The following RERE variants were observed in gnomAD, a reference collection of about 807,000 sequenced individuals.
RERE encodes arginine-glutamic acid dipeptide repeats.
Under a neutral mutation model 146.1 loss-of-function variants are expected in RERE, and 40 were observed. That is an observed-to-expected ratio of 0.27 (90% CI 0.21 to 0.36). The LOEUF is 0.36. Ranked by LOEUF, RERE falls within the 10% of genes least tolerant of loss-of-function variation. The pLI, the probability that RERE is intolerant of heterozygous loss-of-function variation, is 1.00. For missense variants in RERE, 1,933 were observed against 2,138.7 expected (o/e 0.90, Z 1.90); for synonymous variants, 1,003 against 866.0 (o/e 1.16, Z -2.78).
At chr1:8,671,464 C>T (rs1032163436) in intron 1 of RERE, among the ~76,000 whole-genome samples, 12 of 152,158 alleles carry the variant, frequency 7.9e-5, no homozygotes, top group Non-Finnish European at 2.9e-5. Flanking sequence ...CTGATTTCCA[C>T]GCTAGAAGAC....
chr1:8,426,271 A>G lies in RERE; in HGVS notation c.1204-3464T>C, dbSNP rs551094565. 2.3e-4 allele frequency among the ~76,000 whole-genome samples: 35 copies of G among 152,054 alleles called. 1 individual carries two copies. In the South Asian group the frequency reaches 4.0e-3, roughly 17 times the overall value. ...AGATCGAGACCATCCTGGCTAACAC[A>G]GTGAAACCCCGTCTCTACTAAAAAT... is the stretch of plus-strand genomic sequence containing the variant. On this transcript the variant is annotated intron_variant, in intron 11 of 22. Transcript: ENST00000400908.
chr1:8,450,518 T>C (rs887074680), intron 11 of RERE, among the ~76,000 whole-genome samples: 1 of 152,078 alleles, frequency 6.6e-6, no homozygotes, highest in Non-Finnish European at 1.5e-5. Context: ...AAGCTCACCT[T>C]AGCAAATCCC....
At chr1:8,437,094 TA>T (rs565988181) in intron 11 of RERE, among the ~76,000 whole-genome samples, 96 of 152,332 alleles carry the variant, frequency 6.3e-4, no homozygotes, top group Non-Finnish European at 1.2e-3. Context: ...TCAAATTACA[TA>T]AAACTTGTCT....
intron 1 of RERE, among the ~76,000 whole-genome samples, chr1:8,657,334 G>GA (rs1461803947): frequency 6.9e-6 from 1 of 144,674 alleles, no homozygotes; most frequent in Non-Finnish European, 1.5e-5. Context: ...AAGAAGAAAA[G>GA]AAAAAAAAGT....
intron 4 of RERE, among the ~76,000 whole-genome samples, chr1:8,582,726 A>G (rs1646383201): frequency 6.6e-6 from 1 of 152,146 alleles, no homozygotes; most frequent in South Asian, 2.1e-4. Context: ...CATCTCAAAA[A>G]CAAACAAACA....
At chr1:8,600,855 C>G (rs1442479265) in intron 4 of RERE, among the ~76,000 whole-genome samples, 5 of 148,878 alleles carry the variant, frequency 3.4e-5, no homozygotes, top group Non-Finnish European at 5.9e-5. Context: ...CCAGGGTTCA[C>G]ACCATTCTCC....
At chr1:8,375,684 CCTCA>C (rs1642218006) in intron 12 of RERE, among the ~76,000 whole-genome samples, 1 of 132,294 alleles carries the variant, frequency 7.6e-6, no homozygotes, top group African/African-American at 2.9e-5. Flanking sequence ...GAAAATGTTT[CCTCA>C]CTCAGCAGCC....
At chr1:8,775,019 G>A (rs1244150408) in intron 1 of RERE, among the ~76,000 whole-genome samples, 1 of 138,944 alleles carries the variant, frequency 7.2e-6, no homozygotes, top group African/African-American at 2.7e-5. Context: ...GGAGTGCAGT[G>A]GTGCGATCTC....
At chr1:8,409,577 C>A (rs765732892) in intron 12 of RERE, among the ~76,000 whole-genome samples, 1 of 152,164 alleles carries the variant, frequency 6.6e-6, no homozygotes, top group African/African-American at 2.4e-5. Context: ...GTGAACAGCT[C>A]ATTTCCAGAA....
rs1261031125 is a variant in RERE at position 8,423,833 on chromosome 1, G to A, written c.1204-1026C>T. 1.1e-5 allele frequency: 4 copies of A among 365,182 alleles called. No homozygotes were observed. Among genetic ancestry groups the A allele is most frequent in the African/African-American group, 8.9e-5 (4 of 45,028 alleles). 22.6% of individuals were successfully genotyped at this position (365,182 alleles called of 1,614,324 possible). ...GCGGCCGCGGGCGGCTGCAAAAGGC[G>A]GCCTGGATTGCCGCCGCCCTCCTGT... On this transcript the variant is annotated intron_variant, in intron 11 of 22. Coordinates refer to ENST00000400908, the MANE Select transcript of RERE (RefSeq NM_001042681.2). This position sits in a 1 kb window ranked among gnomAD's most constrained non-coding sequence, Gnocchi z 5.4.
chr1:8,413,213 T>A (rs1372035116), intron 12 of RERE, among the ~76,000 whole-genome samples: 7 of 152,218 alleles, frequency 4.6e-5, no homozygotes, highest in African/African-American at 1.4e-4. Flanking sequence ...ATGAGGTCCC[T>A]GCCCAGAAGG....
rs779042687 is a variant in RERE at position 8,364,719 on chromosome 1, C to T, written c.1540+27G>A. On this transcript the variant is annotated intron_variant, in intron 14 of 22. Coordinates refer to ENST00000400908, the MANE Select transcript of RERE (RefSeq NM_001042681.2). This position sits in a 1 kb window ranked among gnomAD's most constrained non-coding sequence, Gnocchi z 5.1. ...TGGAAGTGCTTGTGCCCCCGCCCCG[C>T]CCCAGGAGCGTGACGAGGCCACTTA... 3 of 1,572,910 alleles carry T rather than the reference C, an allele frequency of 1.9e-6. No individual in the cohort carries two copies. Among genetic ancestry groups the T allele is most frequent in the Admixed American group, 1.7e-5 (1 of 59,928 alleles).
rs1045445290 is a variant in RERE at position 8,364,432 on chromosome 1, G to C, written c.1541-177C>G. Among the ~76,000 whole-genome samples the C allele has an allele frequency of 2.0e-5, 3 of 152,036 alleles. No individual in the cohort carries two copies. Among genetic ancestry groups the C allele is most frequent in the African/African-American group, 7.2e-5 (3 of 41,392 alleles). ...CCTGCTCCCCCAAGGCCAGGAGAGG[G>C]TTTCAGGGGCATCTGCTGCCCACTT... On this transcript the variant is annotated intron_variant, in intron 14 of 22. Transcript: ENST00000400908. This position sits in a 1 kb window ranked among gnomAD's most constrained non-coding sequence, Gnocchi z 5.1.
chr1:8,561,262 A>C (rs539528690), intron 4 of RERE, among the ~76,000 whole-genome samples: 10 of 152,362 alleles, frequency 6.6e-5, no homozygotes, highest in African/African-American at 2.4e-4. Flanking sequence ...TGTGCTGAAA[A>C]GACTTCACAA....
intron 8 of RERE, among the ~76,000 whole-genome samples, chr1:8,505,652 TC>T (rs1645240369): frequency 6.6e-6 from 1 of 152,168 alleles, no homozygotes; most frequent in African/African-American, 2.4e-5. Context: ...CACTTCAGCC[TC>T]CTGAGTGGCT....
intron 20 of RERE, among the ~76,000 whole-genome samples, chr1:8,357,038 T>A (rs1331076308): frequency 6.6e-6 from 1 of 152,220 alleles, no homozygotes; most frequent in Non-Finnish European, 1.5e-5. Flanking sequence ...GAAACCGCCA[T>A]ACTGCCCCTG....
intron 7 of RERE, among the ~76,000 whole-genome samples, chr1:8,536,892 T>C (rs1645733532): frequency 6.6e-6 from 1 of 152,202 alleles, no homozygotes; most frequent in African/African-American, 2.4e-5. Flanking sequence ...TTATGCCCCC[T>C]AAATTTTTGC....
At chr1:8,415,430 A>G (rs1206153890) in intron 12 of RERE, among the ~76,000 whole-genome samples, 5 of 152,342 alleles carry the variant, frequency 3.3e-5, no homozygotes, top group African/African-American at 9.6e-5. Context: ...ATTTTGTTCA[A>G]TAACACTTTA....
chr1:8,801,426 C>G (rs1042680278), intron 1 of RERE, among the ~76,000 whole-genome samples: 36 of 152,200 alleles, frequency 2.4e-4, no homozygotes, highest in African/African-American at 8.7e-4. Flanking sequence ...TGTGCCACCA[C>G]GTCAGGCTAA....
Sources: allele counts gnomAD v4.1 joint callset (sites outside exome capture counted in the v4.1 genomes callset), GRCh38; gene constraint gnomAD v4.1.1; non-coding constraint Gnocchi (gnomAD v3.1); transcripts MANE v1.5; gene names NCBI Gene and HGNC (gene_info 2026-07-23, HGNC 2026-07-21).